The following PITRM1 variants were observed in gnomAD, a reference collection of about 807,000 sequenced individuals.
PITRM1 encodes presequence protease, mitochondrial.
A neutral mutation model predicts 129.9 loss-of-function variants in PITRM1; 100 were observed. That is an observed-to-expected ratio of 0.77 (90% CI 0.65 to 0.91). PITRM1 has a LOEUF of 0.91. PITRM1 is among the 40% of genes least tolerant of loss of function. The pLI is 0.00. For synonymous variants in PITRM1, 591 were observed against 508.8 expected, an observed-to-expected ratio of 1.16 and a Z score of -2.17; for missense variants, 1,471 against 1,318.3, an observed-to-expected ratio of 1.12 and a Z score of -1.79.
intron 2 of PITRM1, among the ~76,000 whole-genome samples, chr10:3,169,347 C>T (rs1186801104): frequency 6.6e-6 from 1 of 152,160 alleles, no homozygotes; most frequent in Non-Finnish European, 1.5e-5. Flanking sequence ...CTCACACCAC[C>T]CTCTCCAGGA....
At position 3,159,828 on chromosome 10, in the gene PITRM1, C is replaced by CT; in HGVS notation, c.1007+19dup. 1 of 1,453,452 alleles carries CT rather than the reference C, an allele frequency of 6.9e-7. No homozygotes were observed. Among genetic ancestry groups the CT allele is most frequent in the South Asian group, 1.2e-5 (1 of 84,198 alleles). The allele number at this position is 1,453,452 out of a possible 1,614,324, so 90.0% of individuals were successfully genotyped here. ...TCCTCATGTTTTTGTCTTGTATGAG[C>CT]TTTGACAGCATATACTTACTCCGGT... On this transcript the variant is annotated intron_variant, in intron 9 of 26. Transcript: ENST00000224949.
chr10:3,172,635 G>A, intron 1 of PITRM1, 82 bp downstream of exon 1: 3 of 1,270,886 alleles, frequency 2.4e-6, no homozygotes, highest in South Asian at 1.5e-5. Flanking sequence ...GCAGGGACGA[G>A]GACCCCTACG....
In PITRM1 at chr10:3,157,527, C is replaced by G; in HGVS notation, c.1255G>C (p.Gly419Arg). ...GCCTCAATTCGATCATCTTCAAATC[C>G]TTTCCTAAAGAATACAATGAAGAAC... ...DRTIDEVVEK[G>R]FEDDRIEALL... is the part of the protein sequence containing the mutation. Residue 419 changes from glycine (G) to arginine (R), a missense_variant, in exon 12 of 27, where the codon GGA (glycine) becomes CGA (arginine). Gly to Arg is a moderately radical substitution (Grantham distance 125). Coordinates refer to ENST00000224949, the MANE Select transcript of PITRM1 (RefSeq NM_014889.4). 1 of 1,583,556 alleles carries G rather than the reference C, an allele frequency of 6.3e-7. No homozygotes were observed. The highest frequency in any genetic ancestry group is 1.1e-5 in the South Asian group (1 of 89,782).
chr10:3,172,062 G>A (rs1843415382), intron 1 of PITRM1: 6 of 368,604 alleles, frequency 1.6e-5, no homozygotes, highest in South Asian at 1.2e-4. Flanking sequence ...GGACAGAAGC[G>A]TTTTAAGAAG....
At position 3,147,735 on chromosome 10, in the gene PITRM1, G is replaced by A. The variant is rs377153081; in HGVS notation, c.2072C>T (p.Pro691Leu). Residue 691 changes from proline (P) to leucine (L), a missense_variant and splice_region_variant, in exon 19 of 27, where the codon CCG becomes CTG. Transcript: ENST00000224949. ...GAAGTGCTCCTCTTCTTCAAAGCAC[G>A]GGCTATGGAAAAAGGAGAAGAAAAA... is the stretch of plus-strand genomic sequence containing the variant. ...MQLWSEIFNN[P>L]CFEEEEHFKV... 97 of 1,578,782 alleles carry A rather than the reference G, an allele frequency of 6.1e-5. No individual in the cohort carries two copies. Among genetic ancestry groups the A allele is most frequent in the Admixed American group, 1.7e-4 (9 of 51,532 alleles).
intron 20 of PITRM1, chr10:3,146,949 A>C (rs1840938831): frequency 2.5e-6 from 1 of 399,000 alleles, no homozygotes; most frequent in Non-Finnish European, 4.5e-6. Context: ...GCACAAAATT[A>C]GCCTGCTTTC....
chr10:3,166,405 G>T, intron 3 of PITRM1, 25 bp from the exon 4 acceptor site: 1 of 1,506,636 alleles, frequency 6.6e-7, no homozygotes, highest in African/African-American at 1.4e-5. Context: ...TGACCAGAAC[G>T]CAAAAGGTTC....
At chr10:3,138,622 G>A (rs1013761409) in intron 25 of PITRM1, 8 of 607,950 alleles carry the variant, frequency 1.3e-5, no homozygotes, top group Non-Finnish European at 2.3e-5. Context: ...ACGTGGCCAT[G>A]CCCGGGCCGT....
intron 21 of PITRM1, 170 bp downstream of exon 21, chr10:3,145,426 C>T: frequency 1.6e-6 from 1 of 631,226 alleles, no homozygotes; most frequent in Non-Finnish European, 2.7e-6. Flanking sequence ...TGGCCCAACA[C>T]TGCACAAGAT....
At position 3,148,027 on chromosome 10, in the gene PITRM1, G is replaced by A; in HGVS notation, c.2029C>T (p.Leu677=). The change falls in exon 18 of 27, where the codon CTG becomes TTG. Residue 677 remains leucine (L), a synonymous_variant. Transcript: ENST00000224949. Reference sequence around the variant, plus strand: ...CTCCATAGCTGCATCATGTCTGGCAGGTTTCGATCCAGGCAGAGAGAGGAG... The same window carrying A: ...CTCCATAGCTGCATCATGTCTGGCAAGTTTCGATCCAGGCAGAGAGAGGAG... ...LFSSLCLDRN[L]PDMMQLWSEI... is the part of the protein sequence containing the mutation. 1 of 1,613,822 alleles carries A rather than the reference G, an allele frequency of 6.2e-7. No homozygotes were observed. Among genetic ancestry groups the A allele is most frequent in the Non-Finnish European group, 8.5e-7 (1 of 1,179,712 alleles).
Position 3,171,147 on chromosome 10 carries a change from T to TA in PITRM1, c.57-942dup, listed in dbSNP as rs1169315061. ...ATAAAGTGCGGACTAATCGTTCAAT[T>TA]AAAAAAAAAAAAAAAAAAAAAAAAA... is the stretch of plus-strand genomic sequence containing the variant. On this transcript the variant is annotated intron_variant, in intron 1 of 26. Coordinates refer to ENST00000224949, the MANE Select transcript of PITRM1 (RefSeq NM_014889.4). Among the ~76,000 whole-genome samples the TA allele has an allele frequency of 1.3e-3, 65 of 49,168 alleles. 4 individuals are homozygous for TA. The highest frequency in any genetic ancestry group is 1.5e-3 in the Admixed American group (5 of 3,342). 32.3% of individuals were successfully genotyped at this position (49,168 alleles called of 152,430 possible). A position where few individuals can be genotyped will look rare whatever the true frequency, so the allele number is the denominator to read the frequency against.
chr10:3,138,133 A>G lies in PITRM1; in HGVS notation c.3021-9T>C. The G allele has an allele frequency of 6.2e-7, 1 of 1,602,742 alleles. No individual in the cohort carries two copies. Among genetic ancestry groups the G allele is most frequent in the South Asian group, 1.1e-5 (1 of 89,864 alleles). On this transcript the variant is annotated splice_polypyrimidine_tract_variant and intron_variant, in intron 26 of 26. Transcript: ENST00000224949. ...TCCCAGTGCCGAGGTATCTGAGAGG[A>G]AGGCAGGCGTGGTCAGCAAGGACTG...
chr10:3,156,875 A>G, intron 13 of PITRM1, 55 bp downstream of exon 13: 1 of 1,160,048 alleles, frequency 8.6e-7, no homozygotes. Context: ...TATTCCTTTC[A>G]TTAGTATAAA....
chr10:3,147,939 G>C lies in PITRM1; in HGVS notation c.2069+48C>G, dbSNP rs759702560. 4.2e-6 allele frequency: 6 copies of C among 1,426,460 alleles called. No individual in the cohort carries two copies. In the South Asian group the frequency reaches 5.8e-5, roughly 14 times the overall value. 88.4% of individuals were successfully genotyped at this position (1,426,460 alleles called of 1,614,324 possible). A position where few individuals can be genotyped will look rare whatever the true frequency, so the allele number is the denominator to read the frequency against. ...TCTCCTTTAAAGTACTTCAAACAAA[G>C]ATCTCTAGTACACCCCAAGAATGGA... On this transcript the variant is annotated intron_variant, in intron 18 of 26. Coordinates refer to ENST00000224949, the MANE Select transcript of PITRM1 (RefSeq NM_014889.4).
At chr10:3,158,887 A>C (rs1842196490) in intron 10 of PITRM1, 27 bp downstream of exon 10, 3 of 1,608,926 alleles carry the variant, frequency 1.9e-6, no homozygotes, top group Non-Finnish European at 2.5e-6. Flanking sequence ...AATGAGAACT[A>C]CTGATCTAAT....
chr10:3,161,899 G>T (rs1842472964), intron 7 of PITRM1, among the ~76,000 whole-genome samples: 1 of 151,726 alleles, frequency 6.6e-6, no homozygotes, highest in Non-Finnish European at 1.5e-5. Flanking sequence ...TCCATGTTGG[G>T]CGCAGTGGCT....
At chr10:3,146,389 G>A (rs1374117835) in intron 20 of PITRM1, 2 of 152,356 alleles carry the variant, frequency 1.3e-5, no homozygotes, top group Non-Finnish European at 2.9e-5. Context: ...CGATAAACCT[G>A]CAAAGGAAGG....
Position 3,138,930 on chromosome 10 carries a change from T to G in PITRM1, c.2891A>C (p.Asp964Ala). The G allele has an allele frequency of 6.2e-7, 1 of 1,613,992 alleles. No homozygotes were observed. Residue 964 changes from aspartate (D) to alanine (A), a missense_variant, in exon 25 of 27, where the codon GAT becomes GCT. Physicochemically the swap from Asp to Ala is moderately radical, Grantham distance 126. Coordinates refer to ENST00000224949, the MANE Select transcript of PITRM1 (RefSeq NM_014889.4). ...TTTGTCTGAAGGAGCGACAGGAGCA[T>G]CTACGGTTGAGAAGACAGAAAGTTT... The part of the protein sequence containing the change: ...EAKLSVFSTV[D>A]APVAPSDKGM...
At position 3,158,967 on chromosome 10, in the gene PITRM1, A is replaced by G. The variant is rs1842207523; in HGVS notation, c.1083T>C (p.Phe361=). The G allele has an allele frequency of 6.2e-7, 1 of 1,613,794 alleles. No individual in the cohort carries two copies. Among genetic ancestry groups the G allele is most frequent in the Admixed American group, 1.7e-5 (1 of 59,996 alleles). The change falls in exon 10 of 27, where the codon TTT becomes TTC. Residue 361 remains phenylalanine (F), a synonymous_variant. Transcript: ENST00000224949. ...GGCCAGATTCAATCAAGGCTTTGTA[A>G]AAGGGAGAATTGGGCCCAGAAGTCA... ...SLLTSGPNSP[F]YKALIESGLG... is the part of the protein sequence containing the mutation.
Sources: gnomAD v4.1 joint callset for allele counts (sites outside exome capture counted in the v4.1 genomes callset) on GRCh38, gnomAD v4.1.1 for gene constraint, MANE v1.5 for transcripts, NCBI Gene and HGNC (gene_info 2026-07-23, HGNC 2026-07-21) for gene names.